Variants in ENAH observed in about 807,000 individuals in gnomAD.
The protein encoded by ENAH is ENAH actin regulator.
A neutral mutation model predicts 78.7 loss-of-function variants in ENAH; 23 were observed. The observed-to-expected ratio is 0.29, with a 90% confidence interval of 0.21 to 0.41. The LOEUF is 0.41. Among genes scored for constraint, ENAH ranks in the 10% least tolerant of loss-of-function variants. ENAH has a pLI of 1.00. For synonymous variants in ENAH, 226 were observed against 241.0 expected (o/e 0.94, Z 0.58); for missense variants, 544 against 691.0 (o/e 0.79, Z 2.39).
rs1241248480 is a variant in ENAH at position 225,653,045 on chromosome 1, G to A, written c.-355C>T. On this transcript the variant is annotated 5_prime_UTR_variant, in exon 1 of 14. Coordinates refer to ENST00000366843, the MANE Select transcript of ENAH (RefSeq NM_018212.6). This position sits in a 1 kb window ranked among gnomAD's most constrained non-coding sequence, Gnocchi z 4.3. The stretch of plus-strand genomic sequence containing the variant: ...CGCCGGGGCCGCGCGCCCGGCCGCC[G>A]CTCCACAGGCCCGCGCTCGCCGCGC... The A allele has an allele frequency of 1.2e-5, 2 of 173,336 alleles. No homozygotes were observed. The highest frequency in any genetic ancestry group is 1.7e-4 in the South Asian group (1 of 5,830). The allele number at this position is 173,336 out of a possible 1,614,324, so 10.7% of individuals were successfully genotyped here.
At chr1:225,633,227 T>C (rs961469133) in intron 1 of ENAH, among the ~76,000 whole-genome samples, 1 of 151,574 alleles carries the variant, frequency 6.6e-6, no homozygotes, top group Non-Finnish European at 1.5e-5. Flanking sequence ...TTTTTTTGTA[T>C]TTTTATTAGA....
chr1:225,565,507 G>A (rs1402913914), intron 2 of ENAH, among the ~76,000 whole-genome samples: 1 of 151,978 alleles, frequency 6.6e-6, no homozygotes, highest in African/African-American at 2.4e-5. Context: ...CTAAATGTAG[G>A]ATTGTTCATC....
intron 1 of ENAH, among the ~76,000 whole-genome samples, chr1:225,572,131 G>A (rs511649): frequency 0.66 from 100,170 of 151,888 alleles, 33,362 homozygotes; most frequent in Middle Eastern, 0.74. Flanking sequence ...TGGGGTCTAC[G>A]TTAACTCTGC....
intron 2 of ENAH, among the ~76,000 whole-genome samples, chr1:225,557,881 C>A (rs1218870340): frequency 2.0e-5 from 3 of 152,080 alleles, no homozygotes; most frequent in East Asian, 3.8e-4. Context: ...TTATTGATAT[C>A]TTTTATCTGG....
intron 3 of ENAH, among the ~76,000 whole-genome samples, chr1:225,545,394 A>G (rs1420436028): frequency 2.0e-5 from 3 of 152,222 alleles, no homozygotes; most frequent in African/African-American, 7.2e-5. Flanking sequence ...AACAATTATT[A>G]AAGACCCTAA....
chr1:225,553,110 G>A (rs989950066), intron 3 of ENAH, among the ~76,000 whole-genome samples: 6 of 151,932 alleles, frequency 3.9e-5, no homozygotes, highest in South Asian at 2.1e-4. Context: ...GGTGAGCACC[G>A]GTAATCCCAG....
chr1:225,537,936 T>C (rs1447353042), intron 3 of ENAH, among the ~76,000 whole-genome samples: 1 of 152,210 alleles, frequency 6.6e-6, no homozygotes, highest in Non-Finnish European at 1.5e-5. Context: ...ATATAATTAC[T>C]ACAGTAGACT....
At chr1:225,512,272 C>T (rs901325336) in intron 9 of ENAH, among the ~76,000 whole-genome samples, 1 of 152,218 alleles carries the variant, frequency 6.6e-6, no homozygotes, top group African/African-American at 2.4e-5. Flanking sequence ...GGGGCACAGC[C>T]AATAACCATC....
At chr1:225,519,039 A>T in intron 5 of ENAH, 159 bp downstream of exon 5, 1 of 1,181,984 alleles carries the variant, frequency 8.5e-7, no homozygotes, top group South Asian at 1.6e-5. Flanking sequence ...AATAAAAAGA[A>T]AATGTTAAAG....
chr1:225,529,685 C>A (rs762098308), intron 4 of ENAH, among the ~76,000 whole-genome samples: 2 of 152,130 alleles, frequency 1.3e-5, no homozygotes, highest in African/African-American at 4.8e-5. Context: ...GCAGTGGAGG[C>A]ATCCATAACC....
chr1:225,498,200 C>A lies in ENAH; in HGVS notation c.1675+147G>T, dbSNP rs1344603120. On this transcript the variant is annotated intron_variant, in intron 13 of 13. Coordinates refer to ENST00000366843, the MANE Select transcript of ENAH (RefSeq NM_018212.6). ...CCATTATATGAAGGAGAAACCTCCT[C>A]CCCAAAACCCTAATCCTAAAAGGGC... is the stretch of plus-strand genomic sequence containing the variant. 6.2e-6 allele frequency: 4 copies of A among 643,848 alleles called. No homozygotes were observed. The East Asian group carries it at 1.2e-4, about 19-fold the overall frequency. 39.9% of individuals were successfully genotyped at this position (643,848 alleles called of 1,614,324 possible). A position where few individuals can be genotyped will look rare whatever the true frequency, so the allele number is the denominator to read the frequency against.
chr1:225,575,506 T>C (rs1002456325), intron 1 of ENAH, among the ~76,000 whole-genome samples: 3 of 152,224 alleles, frequency 2.0e-5, no homozygotes, highest in East Asian at 3.9e-4. Context: ...TTATTAAGCA[T>C]GTAATGTGTG....
chr1:225,517,438 G>A (rs867116499), intron 5 of ENAH, 132 bp from the exon 6 acceptor site: 15 of 1,551,738 alleles, frequency 9.7e-6, no homozygotes, highest in Middle Eastern at 1.7e-4. Flanking sequence ...CGGCGGCGGA[G>A]GAGCTGCTGG....
At chr1:225,507,286 C>CT (rs1249695480) in intron 11 of ENAH, among the ~76,000 whole-genome samples, 1 of 151,904 alleles carries the variant, frequency 6.6e-6, no homozygotes, top group East Asian at 1.9e-4. Flanking sequence ...ATTTTGCTCT[C>CT]TTTTCTCTCC....
intron 1 of ENAH, among the ~76,000 whole-genome samples, chr1:225,596,818 C>T (rs2096903969): frequency 1.3e-5 from 2 of 152,206 alleles, no homozygotes; most frequent in South Asian, 2.1e-4. Context: ...TTAAAAACTA[C>T]TGTTTATCTG....
chr1:225,509,121 AC>A (rs1370909817), intron 10 of ENAH, among the ~76,000 whole-genome samples: 1 of 152,112 alleles, frequency 6.6e-6, no homozygotes, highest in Non-Finnish European at 1.5e-5. Flanking sequence ...CCTCTCAATG[AC>A]CGCCACAGTG....
intron 1 of ENAH, among the ~76,000 whole-genome samples, chr1:225,615,594 T>C (rs1037742072): frequency 3.3e-5 from 5 of 151,216 alleles, no homozygotes; most frequent in Admixed American, 1.3e-4. Context: ...GTCTGGGAAG[T>C]GAGGAGCGTC....
At chr1:225,527,923 C>G (rs2096518046) in intron 4 of ENAH, among the ~76,000 whole-genome samples, 1 of 152,108 alleles carries the variant, frequency 6.6e-6, no homozygotes, top group Non-Finnish European at 1.5e-5. Flanking sequence ...TCTTAATCAA[C>G]TCAACAACCT....
rs770948804 is a variant in ENAH at position 225,519,305 on chromosome 1, C to G, written c.695G>C (p.Arg232Pro). 1.2e-6 allele frequency: 2 copies of G among 1,613,868 alleles called. No individual in the cohort carries two copies. Among genetic ancestry groups the G allele is most frequent in the Non-Finnish European group, 8.5e-7 (1 of 1,179,954 alleles). The change falls in exon 5 of 14, where the codon CGA becomes CCA. Residue 232 changes from arginine (R) to proline (P), a missense_variant. By Grantham distance (103) the Arg-to-Pro change is moderately radical. Transcript: ENST00000366843. ...CCGTTCCAGTCTCTCCAGCCTCTCT[C>G]GTTCTTGTCTTTCTTGCCTCTCCCG... ...LDRERQERQE[R>P]ERLERLERER...
Sources: gnomAD v4.1 joint callset for allele counts (sites outside exome capture counted in the v4.1 genomes callset) on GRCh38, gnomAD v4.1.1 for gene constraint, Gnocchi (gnomAD v3.1) non-coding constraint, MANE v1.5 for transcripts, NCBI Gene and HGNC (gene_info 2026-07-23, HGNC 2026-07-21) for gene names.